The following PARK7 variants were observed in gnomAD, a reference collection of about 807,000 sequenced individuals.
PARK7 encodes Parkinson disease protein 7.
PARK7 carries 14 observed loss-of-function variants against 20.5 expected under a neutral mutation model. The ratio of observed to expected loss-of-function variants is 0.68; its 90% CI spans 0.45 to 1.07. The LOEUF (loss-of-function observed/expected upper bound fraction) is 1.07, where lower values mean the gene tolerates loss of function less well. Among genes scored for constraint, PARK7 ranks in the 50% least tolerant of loss-of-function variants. The pLI, the probability that PARK7 is intolerant of heterozygous loss-of-function variation, is 0.00. For synonymous variants in PARK7, 98 were observed against 84.3 expected (o/e 1.16, Z -0.89); for missense variants, 234 against 238.1 (o/e 0.98, Z 0.11).
chr1:7,961,903 G>GCGGGGCCTGGGT (rs1377296241), intron 1 of PARK7, 110 bp downstream of exon 1: 2 of 150,254 alleles, frequency 1.3e-5, no homozygotes, highest in Non-Finnish European at 2.9e-5. Context: ...CAGAACCGGC[G>GCGGGGCCTGGGT]CGGGGCCTGG....
At chr1:7,978,978 T>C (rs561718906) in intron 6 of PARK7, among the ~76,000 whole-genome samples, 51 of 152,308 alleles carry the variant, frequency 3.3e-4, no homozygotes, top group Non-Finnish European at 5.6e-4. Flanking sequence ...TTTAACTTAA[T>C]GTTAATATCT....
In PARK7 at chr1:7,977,661, C is replaced by T; in HGVS notation, c.332C>T (p.Ala111Val). 6.2e-7 allele frequency: 1 copy of T among 1,613,728 alleles called. No individual in the cohort carries two copies. The highest frequency in any genetic ancestry group is 8.5e-7 in the Non-Finnish European group (1 of 1,179,678). Residue 111 changes from alanine (A) to valine (V), a missense_variant, in exon 6 of 7, where the codon GCT becomes GTT. Transcript: ENST00000338639. The stretch of plus-strand genomic sequence containing the variant: ...TTATTTTTATTCTTAGGTCCTACTG[C>T]TCTGTTGGCTCATGAAATAGGTTTT... ...LIAAICAGPT[A>V]LLAHEIGFGS...
intron 3 of PARK7, among the ~76,000 whole-genome samples, chr1:7,965,843 T>C (rs1323218928): frequency 2.0e-5 from 3 of 152,148 alleles, no homozygotes; most frequent in Admixed American, 6.6e-5. Context: ...ATGGTCCCAC[T>C]CTCTCCCCTA....
chr1:7,977,669 G>A lies in PARK7; in HGVS notation c.340G>A (p.Ala114Thr). The change falls in exon 6 of 7, where the codon GCT becomes ACT. Residue 114 changes from alanine to threonine, a missense_variant. By Grantham distance (58) the Ala-to-Thr change is moderately conservative. Transcript: ENST00000338639. ...AICAGPTALL[A>T]HEIGFGSKVT... ...ATTCTTAGGTCCTACTGCTCTGTTG[G>A]CTCATGAAATAGGTTTTGGAAGTAA... The A allele has an allele frequency of 6.2e-7, 1 of 1,613,920 alleles. No individual in the cohort carries two copies. The highest frequency in any genetic ancestry group is 1.3e-5 in the African/African-American group (1 of 75,024).
chr1:7,969,280 C>T (rs1640399879), intron 3 of PARK7, 65 bp from the exon 4 acceptor site: 1 of 1,290,278 alleles, frequency 7.8e-7, no homozygotes, highest in Non-Finnish European at 1.1e-6. Flanking sequence ...TATTATTGGA[C>T]TGTCAATTTA....
intron 5 of PARK7, among the ~76,000 whole-genome samples, chr1:7,973,207 C>T (rs967334549): frequency 2.0e-5 from 3 of 152,202 alleles, no homozygotes; most frequent in Admixed American, 1.3e-4. Context: ...CGTGGGCTTA[C>T]TACAAGAGTC....
At chr1:7,981,308 G>A (rs939420502) in intron 6 of PARK7, among the ~76,000 whole-genome samples, 7 of 152,182 alleles carry the variant, frequency 4.6e-5, no homozygotes, top group Non-Finnish European at 1.5e-5. Flanking sequence ...GCCACTGCAT[G>A]CCACCACTGC....
chr1:7,964,863 G>T (rs145503886), intron 2 of PARK7, among the ~76,000 whole-genome samples: 9 of 152,216 alleles, frequency 5.9e-5, no homozygotes, highest in African/African-American at 2.2e-4. Context: ...TTATTAATAG[G>T]ATGATCATAT....
At chr1:7,971,139 T>G in intron 5 of PARK7, 176 bp downstream of exon 5, 1 of 712,052 alleles carries the variant, frequency 1.4e-6, no homozygotes, top group South Asian at 1.5e-5. Context: ...GGACAATTGT[T>G]CTGTTTTCTG....
intron 4 of PARK7, among the ~76,000 whole-genome samples, chr1:7,970,674 A>G (rs576726538): frequency 1.3e-5 from 2 of 152,358 alleles, no homozygotes; most frequent in African/African-American, 4.8e-5. Context: ...TAAATGTGGA[A>G]GAGTGCGTTT....
intron 4 of PARK7, among the ~76,000 whole-genome samples, chr1:7,970,355 A>G (rs406809): frequency 0.06 from 9,164 of 152,214 alleles, 1,454 homozygotes; most frequent in East Asian, 0.58. Flanking sequence ...TGTCTACTCA[A>G]AGTCTTAACT....
intron 3 of PARK7, chr1:7,969,058 A>G (rs1344517413): frequency 5.7e-6 from 2 of 349,122 alleles, no homozygotes; most frequent in Non-Finnish European, 1.1e-5. Flanking sequence ...ATCTACACAC[A>G]AATACATATA....
intron 5 of PARK7, among the ~76,000 whole-genome samples, chr1:7,972,441 C>G (rs1410514949): frequency 6.6e-6 from 1 of 152,122 alleles, no homozygotes; most frequent in Non-Finnish European, 1.5e-5. Flanking sequence ...GCCTGGGCAG[C>G]AGAGTGACAC....
chr1:7,962,111 C>T lies in PARK7; in HGVS notation c.-24+318C>T, dbSNP rs226250. ...ACCCTCCAGATAATCTGTAAATAGGCTAAAAAAAATTCGGAACCTCGTTGA... is the reference window on the plus strand; with the variant it reads ...ACCCTCCAGATAATCTGTAAATAGGTTAAAAAAAATTCGGAACCTCGTTGA... On this transcript the variant is annotated intron_variant, in intron 1 of 6. Transcript: ENST00000338639. 42,250 of 152,486 alleles carry T rather than the reference C, an allele frequency of 0.28. 7,767 individuals are homozygous for T. Among genetic ancestry groups the T allele is most frequent in the Non-Finnish European group, 0.41 (27,913 of 68,296 alleles). The allele number at this position is 152,486 out of a possible 1,614,324, so 9.4% of individuals were successfully genotyped here.
intron 6 of PARK7, chr1:7,982,910 G>A (rs2284662): frequency 9.2e-5 from 14 of 152,218 alleles, no homozygotes; most frequent in African/African-American, 3.4e-4. Context: ...GTAGTGAGAA[G>A]AGGAGAAAGA....
rs1048180748 is a variant in PARK7, at chr1:7,984,148, C to T, written c.410-746C>T. Reference sequence around the variant, plus strand: ...GGAGGGAGCAGCCCTTGAGCTCTTCCTGGAGCAGGAGAGAACGTGTTGTAT... The same window carrying T: ...GGAGGGAGCAGCCCTTGAGCTCTTCTTGGAGCAGGAGAGAACGTGTTGTAT... On this transcript the variant is annotated intron_variant, in intron 6 of 6. Coordinates refer to ENST00000338639, the MANE Select transcript of PARK7 (RefSeq NM_007262.5). This position sits in a 1 kb window ranked among gnomAD's most constrained non-coding sequence, Gnocchi z 4.3. Among the ~76,000 whole-genome samples, 13 of 151,994 alleles carry T rather than the reference C, an allele frequency of 8.6e-5. No individual in the cohort carries two copies. The highest frequency in any genetic ancestry group is 3.1e-4 in the African/African-American group (13 of 41,368).
intron 6 of PARK7, among the ~76,000 whole-genome samples, chr1:7,982,270 AG>A (rs770117964): frequency 2.6e-5 from 4 of 151,830 alleles, no homozygotes; most frequent in African/African-American, 4.8e-5. Context: ...TACCGGCATG[AG>A]CCACTGCATC....
intron 5 of PARK7, among the ~76,000 whole-genome samples, chr1:7,976,462 GTT>G (rs1640585664): frequency 6.6e-6 from 1 of 152,138 alleles, no homozygotes; most frequent in Non-Finnish European, 1.5e-5. Flanking sequence ...GAAGTTGGCC[GTT>G]TTCAGTGAAT....
intron 5 of PARK7, among the ~76,000 whole-genome samples, chr1:7,975,420 G>A (rs761624137): frequency 5.9e-5 from 9 of 152,148 alleles, no homozygotes; most frequent in Non-Finnish European, 1.2e-4. Context: ...CTGGGGAGTT[G>A]GCAGAGGTGG....
Sources: gnomAD v4.1 joint callset for allele counts (sites outside exome capture counted in the v4.1 genomes callset) on GRCh38, gnomAD v4.1.1 for gene constraint, Gnocchi (gnomAD v3.1) non-coding constraint, MANE v1.5 for transcripts, NCBI Gene and HGNC (gene_info 2026-07-23, HGNC 2026-07-21) for gene names.